Variants in ATL3 observed in about 807,000 individuals in gnomAD.
ATL3 encodes the protein atlastin-3.
In ATL3, 49 loss-of-function variants were observed where a neutral mutation model predicts 69.5. That is an observed-to-expected ratio of 0.71 (90% CI 0.56 to 0.89). ATL3 has a LOEUF of 0.89. Among genes scored for constraint, ATL3 ranks in the 40% least tolerant of loss-of-function variants. ATL3 has a pLI of 0.00. For missense variants in ATL3, 606 were observed against 645.7 expected, an observed-to-expected ratio of 0.94 and a Z score of 0.67; for synonymous variants, 214 against 224.1, an observed-to-expected ratio of 0.95 and a Z score of 0.40.
chr11:63,657,911 C>CA (rs1940307446), intron 3 of ATL3, among the ~76,000 whole-genome samples: 1 of 148,156 alleles, frequency 6.7e-6, no homozygotes, highest in Non-Finnish European at 1.5e-5. Context: ...AGCTGGAGGA[C>CA]AGTGGTGTGA....
rs936805840 is a variant in ATL3 at position 63,625,406 on chromosome 11, A to G, written c.*3913T>C. 1 of 152,198 alleles carries G rather than the reference A, an allele frequency of 6.6e-6. No homozygotes were observed. The highest frequency in any genetic ancestry group is 1.5e-5 in the Non-Finnish European group (1 of 68,034). The allele number at this position is 152,198 out of a possible 1,614,324, so 9.4% of individuals were successfully genotyped here. A position where few individuals can be genotyped will look rare whatever the true frequency, so the allele number is the denominator to read the frequency against. ...TCCATGTAAGTTACATCATTTTTTA[A>G]AAGAACCTAGCAAAAAATTAAAAAC... On this transcript the variant is annotated 3_prime_UTR_variant, in exon 13 of 13. Transcript: ENST00000398868.
chr11:63,671,233 A>T, intron 1 of ATL3, 57 bp downstream of exon 1: 1 of 1,530,650 alleles, frequency 6.5e-7, no homozygotes, highest in Non-Finnish European at 8.8e-7. Context: ...TCAGAACTAC[A>T]GCAGGGAAGG....
At chr11:63,663,355 T>TA (rs1221659658) in intron 1 of ATL3, among the ~76,000 whole-genome samples, 1 of 152,136 alleles carries the variant, frequency 6.6e-6, no homozygotes, top group Non-Finnish European at 1.5e-5. Context: ...TCCTGGGCTC[T>TA]AGTGATCCTC....
At position 63,644,231 on chromosome 11, in the gene ATL3, A is replaced by G; in HGVS notation, c.649T>C (p.Phe217Leu). The change falls in exon 7 of 13, where the codon TTC becomes CTC. Residue 217 changes from phenylalanine (F) to leucine (L), a missense_variant. By Grantham distance (22) the Phe-to-Leu change is conservative. Transcript: ENST00000398868. The stretch of plus-strand genomic sequence containing the variant: ...AGTCCATAGCTATATTCATAAGGGA[A>G]ACTCCAATCTCTAACCAAAAACATC... ...TLMFLVRDWS[F>L]PYEYSYGLQG... The G allele has an allele frequency of 6.2e-7, 1 of 1,611,184 alleles. No individual in the cohort carries two copies. Among genetic ancestry groups the G allele is most frequent in the South Asian group, 1.1e-5 (1 of 90,386 alleles).
chr11:63,632,140 TGGAAG>T, intron 11 of ATL3: 2 of 392,124 alleles, frequency 5.1e-6, no homozygotes, highest in Non-Finnish European at 5.0e-6. Flanking sequence ...TTTTTTTTTC[TGGAAG>T]CCCTGCGACT....
intron 1 of ATL3, among the ~76,000 whole-genome samples, chr11:63,662,271 C>T (rs1940445599): frequency 6.6e-6 from 1 of 150,482 alleles, no homozygotes; most frequent in African/African-American, 2.4e-5. Flanking sequence ...TAGCTGTGGA[C>T]TTATGGGAAG....
At position 63,629,364 on chromosome 11, in the gene ATL3, C is replaced by T. The variant is rs1313925091; in HGVS notation, c.1581G>A (p.Arg527=). The change falls in exon 13 of 13, where the codon AGG becomes AGA. Residue 527 remains arginine, a synonymous_variant. Transcript: ENST00000398868. ...TGGATGGTCTTCCAACAACTGCATC[C>T]CTCACAGTGGCCTGAGTGGAATTAC... The part of the protein sequence containing the change: ...HIGNSTQATV[R]DAVVGRPSMD... The T allele has an allele frequency of 6.2e-7, 1 of 1,614,178 alleles. No individual in the cohort carries two copies. Among genetic ancestry groups the T allele is most frequent in the Admixed American group, 1.7e-5 (1 of 60,020 alleles).
chr11:63,658,198 G>C (rs1940317245), intron 3 of ATL3, among the ~76,000 whole-genome samples: 1 of 152,022 alleles, frequency 6.6e-6, no homozygotes, highest in Admixed American at 6.6e-5. Context: ...AAATGTAACA[G>C]GCAGAAGGTC....
intron 3 of ATL3, among the ~76,000 whole-genome samples, chr11:63,656,642 G>A (rs1052347176): frequency 2.0e-5 from 3 of 151,532 alleles, no homozygotes; most frequent in African/African-American, 7.3e-5. Flanking sequence ...GCTGAGACAG[G>A]AGAATTGCTT....
chr11:63,658,753 A>T lies in ATL3; in HGVS notation c.405+8T>A. 1 of 1,594,256 alleles carries T rather than the reference A, an allele frequency of 6.3e-7. No homozygotes were observed. The highest frequency in any genetic ancestry group is 8.5e-7 in the Non-Finnish European group (1 of 1,174,096). ...GTTGTTAATCTGTAAGGTCATTTTC[A>T]TCCTTACCTTCTTCCCACCTGGCTT... On this transcript the variant is annotated splice_region_variant and intron_variant, in intron 3 of 12. Transcript: ENST00000398868.
Position 63,627,241 on chromosome 11 carries a change from A to C in ATL3, c.*2078T>G, listed in dbSNP as rs1393048195. ...TGCTAATAGGTATGAACTTTCAGAG[A>C]GATAAGAGGTCACCTGAAAATGCAC... On this transcript the variant is annotated 3_prime_UTR_variant, in exon 13 of 13. Transcript: ENST00000398868. 2 of 152,168 alleles carry C rather than the reference A, an allele frequency of 1.3e-5. No individual in the cohort carries two copies. The highest frequency in any genetic ancestry group is 2.9e-5 in the Non-Finnish European group (2 of 68,020). The allele number at this position is 152,168 out of a possible 1,614,324, so 9.4% of individuals were successfully genotyped here.
chr11:63,649,790 A>G (rs1362381749), intron 5 of ATL3, among the ~76,000 whole-genome samples: 1 of 152,114 alleles, frequency 6.6e-6, no homozygotes, highest in African/African-American at 2.4e-5. Context: ...AGCCTGCCTC[A>G]GCATTCCAAA....
rs1248395520 is a variant in ATL3 at position 63,660,349 on chromosome 11, T to C, written c.47-1097A>G. The stretch of plus-strand genomic sequence containing the variant: ...TCCATATCATTACTTAACAGGGAAA[T>C]CTAAATTAAAACCACAATAAGATAC... On this transcript the variant is annotated intron_variant, in intron 1 of 12. Transcript: ENST00000398868. Among the ~76,000 whole-genome samples, 4 of 152,058 alleles carry C rather than the reference T, an allele frequency of 2.6e-5. No individual in the cohort carries two copies. The East Asian group carries it at 7.7e-4, about 29-fold the overall frequency.
chr11:63,626,523 G>A lies in ATL3; in HGVS notation c.*2796C>T, dbSNP rs1939118492. 6.6e-6 allele frequency: 1 copy of A among 152,070 alleles called. No homozygotes were observed. Among genetic ancestry groups the A allele is most frequent in the South Asian group, 2.1e-4 (1 of 4,824 alleles). The allele number at this position is 152,070 out of a possible 1,614,324, so 9.4% of individuals were successfully genotyped here. ...TCTGATTCTACCATTTTTACTATAAGCAGCTCATTGAAATTATTTTTTCAA... is the reference window on the plus strand; with the variant it reads ...TCTGATTCTACCATTTTTACTATAAACAGCTCATTGAAATTATTTTTTCAA... On this transcript the variant is annotated 3_prime_UTR_variant, in exon 13 of 13. Transcript: ENST00000398868.
chr11:63,670,439 T>C (rs991075806), intron 1 of ATL3: 2 of 152,236 alleles, frequency 1.3e-5, no homozygotes, highest in Non-Finnish European at 1.5e-5. Flanking sequence ...ATTTAAAAAT[T>C]CTTCACTGTT....
Position 63,629,106 on chromosome 11 carries a change from C to G in ATL3, c.*213G>C, listed in dbSNP as rs1217817119. 2 of 549,298 alleles carry G rather than the reference C, an allele frequency of 3.6e-6. No homozygotes were observed. The highest frequency in any genetic ancestry group is 3.8e-5 in the African/African-American group (2 of 53,216). The allele number at this position is 549,298 out of a possible 1,614,324, so 34.0% of individuals were successfully genotyped here. A position where few individuals can be genotyped will look rare whatever the true frequency, so the allele number is the denominator to read the frequency against. On this transcript the variant is annotated 3_prime_UTR_variant, in exon 13 of 13. Transcript: ENST00000398868. ...AGACACAGGCTTGCATCTATAACAG[C>G]AAGGAAAAGAAATGCTTCCAAGAGA...
chr11:63,629,111 A>C lies in ATL3; in HGVS notation c.*208T>G. 1.8e-6 allele frequency: 1 copy of C among 556,130 alleles called. No homozygotes were observed. The highest frequency in any genetic ancestry group is 2.7e-5 in the South Asian group (1 of 37,538). The allele number at this position is 556,130 out of a possible 1,614,324, so 34.4% of individuals were successfully genotyped here. ...CAGGCTTGCATCTATAACAGCAAGG[A>C]AAAGAAATGCTTCCAAGAGAAATGG... On this transcript the variant is annotated 3_prime_UTR_variant, in exon 13 of 13. Transcript: ENST00000398868.
At chr11:63,651,814 A>G (rs1391981637) in intron 5 of ATL3, 122 bp downstream of exon 5, 1 of 1,385,662 alleles carries the variant, frequency 7.2e-7, no homozygotes, top group African/African-American at 1.5e-5. Flanking sequence ...TAGAATTACT[A>G]TGAACCAAAA....
chr11:63,664,464 C>T (rs564712756), intron 1 of ATL3, among the ~76,000 whole-genome samples: 116 of 151,430 alleles, frequency 7.7e-4, no homozygotes, highest in African/African-American at 2.5e-3. Flanking sequence ...CGCTTGAACC[C>T]GGGAGGCAGA....
Sources: gnomAD v4.1 joint callset for allele counts (sites outside exome capture counted in the v4.1 genomes callset) on GRCh38, gnomAD v4.1.1 for gene constraint, MANE v1.5 for transcripts, NCBI Gene and HGNC (gene_info 2026-07-23, HGNC 2026-07-21) for gene names.